The following NASP variants were observed in gnomAD, a reference collection of about 807,000 sequenced individuals.
The protein encoded by NASP is nuclear autoantigenic sperm protein.
NASP carries 24 observed loss-of-function variants against 89.5 expected under a neutral mutation model. The observed-to-expected ratio is 0.27, with a 90% CI of 0.19 to 0.38. The LOEUF (loss-of-function observed/expected upper bound fraction) is 0.38. Among genes scored for constraint, NASP ranks in the 10% least tolerant of loss-of-function variants. The pLI is 1.00. For missense variants in NASP, 848 were observed against 921.4 expected, an observed-to-expected ratio of 0.92 and a Z score of 1.03; for synonymous variants, 306 against 324.7, an observed-to-expected ratio of 0.94 and a Z score of 0.62.
At chr1:45,595,189 T>TGTG (rs1557653288) in intron 2 of NASP, among the ~76,000 whole-genome samples, 10 of 110,356 alleles carry the variant, frequency 9.1e-5, no homozygotes, top group Non-Finnish European at 1.5e-4. Flanking sequence ...GTGTGTGTGT[T>TGTG]TTAGAGACAG....
chr1:45,613,026 A>G (rs1644041903), intron 6 of NASP, 143 bp from the exon 7 acceptor site: 6 of 1,181,488 alleles, frequency 5.1e-6, no homozygotes, highest in East Asian at 2.8e-5. Flanking sequence ...CACTGACGAT[A>G]TATTCAGTTC....
chr1:45,600,930 T>C (rs765501472), intron 2 of NASP, among the ~76,000 whole-genome samples: 25 of 152,200 alleles, frequency 1.6e-4, no homozygotes, highest in Non-Finnish European at 3.5e-4. Context: ...TTTTTTTGAG[T>C]GAGCAATAAT....
chr1:45,595,133 G>GTGTA, intron 2 of NASP, among the ~76,000 whole-genome samples: 1 of 26,562 alleles, frequency 3.8e-5, no homozygotes, highest in Non-Finnish European at 8.7e-5. Flanking sequence ...TAAGTTTTGT[G>GTGTA]TGTGTGTGTG....
At chr1:45,617,948 C>A (rs1273519105) in intron 14 of NASP, 113 bp from the exon 15 acceptor site, 2 of 897,960 alleles carry the variant, frequency 2.2e-6, no homozygotes, top group Non-Finnish European at 3.5e-6. Context: ...ATATAGGGAG[C>A]AAAGCAGAGT....
At position 45,590,682 on chromosome 1, in the gene NASP, C is replaced by CTTTTTTT. The variant is rs386366869; in HGVS notation, c.60-526_60-520dup. 1.4e-4 allele frequency among the ~76,000 whole-genome samples: 15 copies of CTTTTTTT among 107,188 alleles called. 1 individual carries two copies. In the East Asian group the frequency reaches 1.7e-3, roughly 12 times the overall value. The allele number at this position is 107,188 out of a possible 152,430, so 70.3% of individuals were successfully genotyped here. On this transcript the variant is annotated intron_variant, in intron 1 of 14. Transcript: ENST00000350030. ...GTCTTATATTGCAGTCATAGTGTAACTTTTTTTTTTTTTTTTTTTTTGAGA... is the reference window on the plus strand; with the variant it reads ...GTCTTATATTGCAGTCATAGTGTAACTTTTTTTTTTTTTTTTTTTTTTTTTTTTGAGA...
rs185819624 is a variant in NASP, at chr1:45,592,521, T to C, written c.107+1251T>C. On this transcript the variant is annotated intron_variant, in intron 2 of 14. Coordinates refer to ENST00000350030, the MANE Select transcript of NASP (RefSeq NM_002482.4). ...TAGAATATCTTACAAATATTTTGTT[T>C]GTTTGTTTTTTGAGATGGAGTCTCA... Among the ~76,000 whole-genome samples the C allele has an allele frequency of 2.8e-3, 427 of 152,286 alleles. 4 individuals are homozygous for C. The highest frequency in any genetic ancestry group is 4.4e-3 in the Admixed American group (68 of 15,290).
chr1:45,608,345 G>A lies in NASP; in HGVS notation c.1426+8G>A, dbSNP rs1643945986. On this transcript the variant is annotated splice_region_variant and intron_variant, in intron 6 of 14. Coordinates refer to ENST00000350030, the MANE Select transcript of NASP (RefSeq NM_002482.4). Reference sequence around the variant, plus strand: ...AGATGAAAGAGGGTGAAGGTAACCGGGATATGCAAGAGCTGCAGTGGGTGG... The same window carrying A: ...AGATGAAAGAGGGTGAAGGTAACCGAGATATGCAAGAGCTGCAGTGGGTGG... 6.3e-7 allele frequency: 1 copy of A among 1,594,574 alleles called. No individual in the cohort carries two copies. The highest frequency in any genetic ancestry group is 1.8e-5 in the Admixed American group (1 of 56,436).
intron 6 of NASP, 134 bp downstream of exon 6, chr1:45,608,471 G>A (rs1643948159): frequency 2.2e-6 from 2 of 896,016 alleles, no homozygotes; most frequent in South Asian, 3.4e-5. Context: ...AATGAAAAGG[G>A]GGGTAGTTTA....
At chr1:45,617,629 C>T (rs1644129703) in intron 14 of NASP, 38 bp downstream of exon 14, 1 of 1,536,730 alleles carries the variant, frequency 6.5e-7, no homozygotes, top group African/African-American at 1.4e-5. Flanking sequence ...TTGCCTCATT[C>T]CTTGTTCTCA....
At chr1:45,604,885 T>C in intron 3 of NASP, 51 bp from the exon 4 acceptor site, 3 of 1,328,104 alleles carry the variant, frequency 2.3e-6, no homozygotes, top group Non-Finnish European at 3.2e-6. Context: ...TAGAACTAAA[T>C]GTTTTAGATT....
intron 14 of NASP, 64 bp from the exon 15 acceptor site, chr1:45,617,997 A>G: frequency 7.0e-7 from 1 of 1,432,488 alleles, no homozygotes; most frequent in African/African-American, 1.4e-5. Context: ...CTGAGGCCTC[A>G]GTTATATAAG....
chr1:45,590,562 AAAAAAG>A (rs1423627927), intron 1 of NASP, among the ~76,000 whole-genome samples: 1 of 151,278 alleles, frequency 6.6e-6, no homozygotes, highest in African/African-American at 2.4e-5. Context: ...AAAAAAAAAA[AAAAAAG>A]AAAAGAAATT....
chr1:45,590,716 C>T (rs1204967113), intron 1 of NASP, among the ~76,000 whole-genome samples: 3 of 121,552 alleles, frequency 2.5e-5, no homozygotes, highest in East Asian at 4.7e-4. Context: ...GACGGAGTCT[C>T]GCTGTGATAT....
At chr1:45,595,719 TTG>T (rs371029985) in intron 2 of NASP, among the ~76,000 whole-genome samples, 31 of 152,380 alleles carry the variant, frequency 2.0e-4, no homozygotes, top group African/African-American at 7.5e-4. Context: ...CTAGCAATTC[TTG>T]TGTTCTTCAC....
At chr1:45,586,918 C>T (rs1006814406) in intron 1 of NASP, among the ~76,000 whole-genome samples, 5 of 152,024 alleles carry the variant, frequency 3.3e-5, no homozygotes, top group Admixed American at 1.3e-4. Context: ...GCTGGATTCC[C>T]AACTCCTAGT....
At chr1:45,599,739 C>G (rs186667601) in intron 2 of NASP, among the ~76,000 whole-genome samples, 132 of 152,284 alleles carry the variant, frequency 8.7e-4, no homozygotes, top group Non-Finnish European at 1.6e-3. Flanking sequence ...GACTTTCTTT[C>G]CAACTGGTTT....
rs1644062539 is a variant in NASP at position 45,614,101 on chromosome 1, T to G, written c.1512T>G (p.Leu504=). 1 of 1,593,906 alleles carries G rather than the reference T, an allele frequency of 6.3e-7. No homozygotes were observed. The highest frequency in any genetic ancestry group is 8.6e-7 in the Non-Finnish European group (1 of 1,161,788). ...ATTATTTGGTTATACTTTAGTCTCT[T>G]CAAGAAAATGAGGAGGAGGAGATTG... ...PNDSVLENKS[L]QENEEEEIGN... Residue 504 remains leucine (L), a synonymous_variant, in exon 8 of 15, where the codon CTT becomes CTG. Coordinates refer to ENST00000350030, the MANE Select transcript of NASP (RefSeq NM_002482.4).
Position 45,584,082 on chromosome 1 carries a change from T to C in NASP, c.-65T>C. 1.4e-6 allele frequency: 2 copies of C among 1,458,068 alleles called. No individual in the cohort carries two copies. Among genetic ancestry groups the C allele is most frequent in the South Asian group, 1.2e-5 (1 of 81,728 alleles). 90.3% of individuals were successfully genotyped at this position (1,458,068 alleles called of 1,614,324 possible). A position where few individuals can be genotyped will look rare whatever the true frequency, so the allele number is the denominator to read the frequency against. ...TCTGTCCCTGAGTGAGTCTCTGGCG[T>C]CCCAAATTGCCTGTTTTTCTCGCAG... On this transcript the variant is annotated 5_prime_UTR_variant, in exon 1 of 15. Transcript: ENST00000350030.
At chr1:45,597,597 T>C (rs2148342664) in intron 2 of NASP, among the ~76,000 whole-genome samples, 1 of 152,296 alleles carries the variant, frequency 6.6e-6, no homozygotes, top group African/African-American at 2.4e-5. Flanking sequence ...GAAAGTCATG[T>C]TATTAACATG....
Sources: allele counts gnomAD v4.1 joint callset (sites outside exome capture counted in the v4.1 genomes callset), GRCh38; gene constraint gnomAD v4.1.1; transcripts MANE v1.5; gene names NCBI Gene and HGNC (gene_info 2026-07-23, HGNC 2026-07-21).